KIRREL3: variants seen among roughly 807,000 people sequenced by gnomAD.
KIRREL3 encodes the protein kin of IRRE-like protein 3.
In KIRREL3, 36 loss-of-function variants were observed where a neutral mutation model predicts 89.7. The observed-to-expected ratio is 0.40, with a 90% CI of 0.31 to 0.53. KIRREL3 has a LOEUF of 0.53. Among genes scored for constraint, KIRREL3 ranks in the 20% least tolerant of loss-of-function variants. KIRREL3 has a pLI of 0.49. For synonymous variants in KIRREL3, 445 were observed against 441.4 expected (o/e 1.01, Z -0.10); for missense variants, 864 against 1,056.6 (o/e 0.82, Z 2.53).
At chr11:126,865,077 G>C (rs1944873325) in intron 1 of KIRREL3, among the ~76,000 whole-genome samples, 1 of 152,170 alleles carries the variant, frequency 6.6e-6, no homozygotes, top group South Asian at 2.1e-4. Context: ...TTGCCTCCAG[G>C]AATCAAGGCG....
In KIRREL3 at chr11:126,574,504, T is replaced by G. The variant is rs1034426973; in HGVS notation, c.56-11592A>C. On this transcript the variant is annotated intron_variant, in intron 1 of 16. Coordinates refer to ENST00000525144, the MANE Select transcript of KIRREL3 (RefSeq NM_032531.4). The surrounding 1 kb of genome is among the most constrained non-coding windows in gnomAD (Gnocchi z 5.3). ...ATCACTCAATAAGAACATGAAAGTT[T>G]ATTTACCACGAGGCCAGCCCAGTGG... is the stretch of plus-strand genomic sequence containing the variant. 2.6e-5 allele frequency among the ~76,000 whole-genome samples: 4 copies of G among 152,154 alleles called. No homozygotes were observed. The highest frequency in any genetic ancestry group is 9.7e-5 in the African/African-American group (4 of 41,412).
intron 1 of KIRREL3, among the ~76,000 whole-genome samples, chr11:126,899,426 CCTAA>C (rs2134827324): frequency 6.6e-6 from 1 of 152,284 alleles, no homozygotes; most frequent in South Asian, 2.1e-4. Context: ...TGTCACCTAT[CCTAA>C]CTGACAAAGG....
rs1950210332 is a variant in KIRREL3 at position 126,997,529 on chromosome 11, G to A, written c.55+2926C>T. Among the ~76,000 whole-genome samples, 1 of 148,582 alleles carries A rather than the reference G, an allele frequency of 6.7e-6. No homozygotes were observed. Among genetic ancestry groups the A allele is most frequent in the Non-Finnish European group, 1.5e-5 (1 of 67,820 alleles). ...AGAAATACTTGATCTCAATCTACATGAAAAGCCCAAACTTTCAAAGAATAG... is the reference window on the plus strand; with the variant it reads ...AGAAATACTTGATCTCAATCTACATAAAAAGCCCAAACTTTCAAAGAATAG... On this transcript the variant is annotated intron_variant, in intron 1 of 16. Transcript: ENST00000525144. This position sits in a 1 kb window ranked among gnomAD's most constrained non-coding sequence, Gnocchi z 4.3.
rs35917135 is a variant in KIRREL3, at chr11:126,921,391, G to GTATCTATCTATC, written c.55+79052_55+79063dup. On this transcript the variant is annotated intron_variant, in intron 1 of 16. Coordinates refer to ENST00000525144, the MANE Select transcript of KIRREL3 (RefSeq NM_032531.4). Reference sequence around the variant, plus strand: ...CTGATAAATTCCCTCATCCTGTCTTGTATCTATCTATCTATCTATCTATCT... The same window carrying GTATCTATCTATC: ...CTGATAAATTCCCTCATCCTGTCTTGTATCTATCTATCTATCTATCTATCTATCTATCTATCT... Among the ~76,000 whole-genome samples the GTATCTATCTATC allele has an allele frequency of 1.2e-3, 176 of 144,138 alleles. 1 individual carries two copies. Among genetic ancestry groups the GTATCTATCTATC allele is most frequent in the East Asian group, 2.3e-3 (11 of 4,708 alleles). 94.6% of individuals were successfully genotyped at this position (144,138 alleles called of 152,430 possible). A position where few individuals can be genotyped will look rare whatever the true frequency, so the allele number is the denominator to read the frequency against.
At chr11:126,453,068 C>A (rs1300007684) in intron 7 of KIRREL3, among the ~76,000 whole-genome samples, 3 of 146,944 alleles carry the variant, frequency 2.0e-5, no homozygotes, top group Non-Finnish European at 4.5e-5. Context: ...CCACCTCCCC[C>A]AACTCACTGT....
chr11:126,478,454 CG>C (rs1565486743), intron 4 of KIRREL3, among the ~76,000 whole-genome samples: 1 of 146,552 alleles, frequency 6.8e-6, no homozygotes, highest in Non-Finnish European at 1.5e-5. Context: ...GGGATGGGGC[CG>C]GGGGGACGGT....
chr11:126,656,125 G>C lies in KIRREL3; in HGVS notation c.56-93213C>G. On this transcript the variant is annotated intron_variant, in intron 1 of 16. Transcript: ENST00000525144. This position sits in a 1 kb window ranked among gnomAD's most constrained non-coding sequence, Gnocchi z 4.0. ...TGCAAAGGAATAAGAAACTAGTGCTGTCTCGGGAACCAGCAACACAGATGT... is the reference window on the plus strand; with the variant it reads ...TGCAAAGGAATAAGAAACTAGTGCTCTCTCGGGAACCAGCAACACAGATGT... The C allele has an allele frequency of 2.2e-6, 1 of 456,194 alleles. No individual in the cohort carries two copies. The allele number at this position is 456,194 out of a possible 1,614,324, so 28.3% of individuals were successfully genotyped here. A position where few individuals can be genotyped will look rare whatever the true frequency, so the allele number is the denominator to read the frequency against.
rs756316051 is a variant in KIRREL3, at chr11:126,436,947, G to C, written c.1416C>G (p.Thr472=). The change falls in exon 12 of 17, where the codon ACC becomes ACG. Residue 472 remains threonine, a synonymous_variant. Coordinates refer to ENST00000525144, the MANE Select transcript of KIRREL3 (RefSeq NM_032531.4). Reference sequence around the variant, plus strand: ...AGATGACGCCCTCCTCGGTGCTGATGGTCTCCACCGTATAGCGCCCCGATG... The same window carrying C: ...AGATGACGCCCTCCTCGGTGCTGATCGTCTCCACCGTATAGCGCCCCGATG... The part of the protein sequence containing the change: ...SGTSGRYTVE[T]ISTEEGVIST... 6.2e-7 allele frequency: 1 copy of C among 1,610,320 alleles called. No individual in the cohort carries two copies. The highest frequency in any genetic ancestry group is 8.5e-7 in the Non-Finnish European group (1 of 1,178,294).
rs1412737939 is a variant in KIRREL3, at chr11:126,645,002, A to G, written c.56-82090T>C. The stretch of plus-strand genomic sequence containing the variant: ...AATCTATGCCCTGGAAGAGGTGAGG[A>G]CTTGGGATGAACCTTGAGGGAGGGG... On this transcript the variant is annotated intron_variant, in intron 1 of 16. Transcript: ENST00000525144. This position sits in a 1 kb window ranked among gnomAD's most constrained non-coding sequence, Gnocchi z 4.9. Among the ~76,000 whole-genome samples, 1 of 152,154 alleles carries G rather than the reference A, an allele frequency of 6.6e-6. No individual in the cohort carries two copies. Among genetic ancestry groups the G allele is most frequent in the Non-Finnish European group, 1.5e-5 (1 of 68,032 alleles).
intron 1 of KIRREL3, among the ~76,000 whole-genome samples, chr11:126,712,633 C>T (rs1256271631): frequency 6.6e-6 from 1 of 152,202 alleles, no homozygotes; most frequent in East Asian, 1.9e-4. Flanking sequence ...CCCGCCACGG[C>T]TTTTGTCCAC....
Position 126,571,363 on chromosome 11 carries a change from C to T in KIRREL3, c.56-8451G>A, listed in dbSNP as rs1274507293. On this transcript the variant is annotated intron_variant, in intron 1 of 16. Coordinates refer to ENST00000525144, the MANE Select transcript of KIRREL3 (RefSeq NM_032531.4). The surrounding 1 kb of genome is among the most constrained non-coding windows in gnomAD (Gnocchi z 7.7). ...GGACCCAAGGTTGGCAGAGCTCACCCCACTCCTCTGTACACTGAAAGTGGG... is the reference window on the plus strand; with the variant it reads ...GGACCCAAGGTTGGCAGAGCTCACCTCACTCCTCTGTACACTGAAAGTGGG... Among the ~76,000 whole-genome samples the T allele has an allele frequency of 6.6e-6, 1 of 152,184 alleles. No individual in the cohort carries two copies. Among genetic ancestry groups the T allele is most frequent in the Non-Finnish European group, 1.5e-5 (1 of 68,038 alleles).
chr11:126,928,861 T>G (rs902712144), intron 1 of KIRREL3, among the ~76,000 whole-genome samples: 1 of 152,174 alleles, frequency 6.6e-6, no homozygotes, highest in Non-Finnish European at 1.5e-5. Context: ...GGTATCTAGT[T>G]TATTTCTCTG....
intron 1 of KIRREL3, among the ~76,000 whole-genome samples, chr11:126,663,621 T>C (rs1287654433): frequency 6.6e-6 from 1 of 152,026 alleles, no homozygotes; most frequent in Non-Finnish European, 1.5e-5. Context: ...TCCTGGAAAA[T>C]GTACTAATAG....
chr11:126,510,577 G>A (rs754686097), intron 4 of KIRREL3, among the ~76,000 whole-genome samples: 1 of 151,932 alleles, frequency 6.6e-6, no homozygotes, highest in Non-Finnish European at 1.5e-5. Context: ...GATTACAGGT[G>A]TGAGCCACTG....
At position 126,463,668 on chromosome 11, in the gene KIRREL3, T is replaced by G. The variant is rs956423134; in HGVS notation, c.592-361A>C. On this transcript the variant is annotated intron_variant, in intron 5 of 16. Coordinates refer to ENST00000525144, the MANE Select transcript of KIRREL3 (RefSeq NM_032531.4). This position sits in a 1 kb window ranked among gnomAD's most constrained non-coding sequence, Gnocchi z 5.9. ...ACTCACATCTTTTTGCCTCTGGTGC[T>G]TGAGTGACAGTCTCAGGCTCTGTAG... Among the ~76,000 whole-genome samples the G allele has an allele frequency of 6.6e-6, 1 of 152,168 alleles. No homozygotes were observed. Among genetic ancestry groups the G allele is most frequent in the Non-Finnish European group, 1.5e-5 (1 of 68,032 alleles).
In KIRREL3 at chr11:126,565,991, T is replaced by C. The variant is rs1180335918; in HGVS notation, c.56-3079A>G. On this transcript the variant is annotated intron_variant, in intron 1 of 16. Coordinates refer to ENST00000525144, the MANE Select transcript of KIRREL3 (RefSeq NM_032531.4). The surrounding 1 kb of genome is among the most constrained non-coding windows in gnomAD (Gnocchi z 5.4). ...CCAGACTGTCACCTTCCTTGTCCCA[T>C]AGCATGGAGATGAATGGGAGAGTCA... Among the ~76,000 whole-genome samples the C allele has an allele frequency of 6.6e-6, 1 of 152,186 alleles. No homozygotes were observed. Among genetic ancestry groups the C allele is most frequent in the Admixed American group, 6.5e-5 (1 of 15,284 alleles).
At chr11:126,461,804 G>T (rs1423079360) in intron 6 of KIRREL3, among the ~76,000 whole-genome samples, 1 of 152,136 alleles carries the variant, frequency 6.6e-6, no homozygotes, top group African/African-American at 2.4e-5. Context: ...AATCCACAAG[G>T]CTTAGAGAAA....
intron 1 of KIRREL3, among the ~76,000 whole-genome samples, chr11:126,673,651 A>C (rs1946056979): frequency 1.3e-5 from 2 of 152,212 alleles, no homozygotes; most frequent in Non-Finnish European, 2.9e-5. Flanking sequence ...GGCCTCACTC[A>C]TCACACGTGT....
chr11:126,792,430 C>A (rs1290491470), intron 1 of KIRREL3, among the ~76,000 whole-genome samples: 4 of 152,188 alleles, frequency 2.6e-5, no homozygotes, highest in Non-Finnish European at 5.9e-5. Context: ...AACTTGCAAG[C>A]AATAGAGCCT....
Sources: gnomAD v4.1 joint callset for allele counts (sites outside exome capture counted in the v4.1 genomes callset) on GRCh38, gnomAD v4.1.1 for gene constraint, Gnocchi (gnomAD v3.1) non-coding constraint, MANE v1.5 for transcripts, NCBI Gene and HGNC (gene_info 2026-07-23, HGNC 2026-07-21) for gene names.